Variants in PRKN observed in about 807,000 individuals in gnomAD.
PRKN encodes the protein parkin RBR E3 ubiquitin protein ligase.
In PRKN, 56 loss-of-function variants were observed where a neutral mutation model predicts 59.5. The observed-to-expected ratio is 0.94, with a 90% CI of 0.76 to 1.18. PRKN has a LOEUF of 1.18. PRKN is among the 50% of genes most tolerant of loss of function. PRKN has a pLI of 0.00. For missense variants in PRKN, 657 were observed against 596.4 expected (o/e 1.10, Z -1.06); for synonymous variants, 250 against 222.1 (o/e 1.13, Z -1.12).
chr6:162,471,223 G>A (rs1307711876), intron 1 of PRKN, among the ~76,000 whole-genome samples: 3 of 151,694 alleles, frequency 2.0e-5, no homozygotes, highest in Admixed American at 6.6e-5. Context: ...TCAGCCTCCT[G>A]AGTAGCTGGG....
intron 4 of PRKN, among the ~76,000 whole-genome samples, chr6:162,138,217 A>G (rs2128309995): frequency 6.6e-6 from 1 of 152,306 alleles, no homozygotes; most frequent in South Asian, 2.1e-4. Context: ...CAATTCTCAA[A>G]GCTCACACGG....
chr6:162,274,264 T>A (rs1780516625), intron 2 of PRKN, among the ~76,000 whole-genome samples: 1 of 152,028 alleles, frequency 6.6e-6, no homozygotes, highest in African/African-American at 2.4e-5. Context: ...CAGGGCTCAT[T>A]GCAGTCTCGG....
chr6:161,540,154 ACTT>A lies in PRKN; in HGVS notation c.1083+8697_1083+8699del, dbSNP rs1230484507. On this transcript the variant is annotated intron_variant, in intron 9 of 11. Transcript: ENST00000366898. ...GATTGTTCTCACTGTTTGCAGAAGC[ACTT>A]CTTCTGACATGGAAAACAAAAACAC... 2.0e-5 allele frequency among the ~76,000 whole-genome samples: 3 copies of A among 152,286 alleles called. No individual in the cohort carries two copies. The East Asian group carries it at 5.8e-4, about 29-fold the overall frequency.
intron 2 of PRKN, among the ~76,000 whole-genome samples, chr6:162,338,535 G>C (rs1344344251): frequency 2.0e-5 from 3 of 152,166 alleles, no homozygotes; most frequent in Non-Finnish European, 2.9e-5. Context: ...ATTGCAGACG[G>C]AGTCTCCTTC....
At chr6:161,902,528 A>ATCTATCTATCTG (rs1367021099) in intron 6 of PRKN, among the ~76,000 whole-genome samples, 5,174 of 84,178 alleles carry the variant, frequency 0.061, 230 homozygotes, top group East Asian at 0.27. Context: ...ACATCCGTCT[A>ATCTATCTATCTG]TCTATCTATC....
intron 1 of PRKN, among the ~76,000 whole-genome samples, chr6:162,530,849 G>A (rs1056255436): frequency 6.7e-6 from 1 of 149,520 alleles, no homozygotes; most frequent in Non-Finnish European, 1.5e-5. Flanking sequence ...CTGAGCTCAG[G>A]AATTTGAGAC....
At chr6:162,346,593 C>A (rs1024235280) in intron 2 of PRKN, among the ~76,000 whole-genome samples, 7 of 152,054 alleles carry the variant, frequency 4.6e-5, no homozygotes, top group African/African-American at 1.4e-4. Flanking sequence ...TGTACTCTAG[C>A]CTGGGTGACA....
intron 1 of PRKN, among the ~76,000 whole-genome samples, chr6:162,719,786 C>T (rs1778861922): frequency 6.6e-6 from 1 of 151,948 alleles, no homozygotes; most frequent in Non-Finnish European, 1.5e-5. Context: ...ACAACAGCTG[C>T]TCCTTTGAGC....
chr6:162,367,516 C>G (rs982278409), intron 2 of PRKN, among the ~76,000 whole-genome samples: 1 of 151,970 alleles, frequency 6.6e-6, no homozygotes, highest in Admixed American at 6.6e-5. Flanking sequence ...AAAATTAACC[C>G]ACCAATGAAA....
intron 1 of PRKN, among the ~76,000 whole-genome samples, chr6:162,659,571 G>T (rs745663811): frequency 7.2e-5 from 11 of 151,850 alleles, no homozygotes; most frequent in Non-Finnish European, 1.3e-4. Flanking sequence ...CCTTAAATAG[G>T]ATTTCAATTA....
intron 5 of PRKN, among the ~76,000 whole-genome samples, chr6:161,989,447 C>T (rs1461801999): frequency 6.6e-6 from 1 of 152,106 alleles, no homozygotes; most frequent in Non-Finnish European, 1.5e-5. Flanking sequence ...TTGCCACTGG[C>T]AACTGTGTAT....
chr6:162,723,769 C>G (rs926402927), intron 1 of PRKN, among the ~76,000 whole-genome samples: 1 of 152,194 alleles, frequency 6.6e-6, no homozygotes, highest in Non-Finnish European at 1.5e-5. Context: ...ACACTTCTGA[C>G]AACAGTTGTC....
intron 1 of PRKN, among the ~76,000 whole-genome samples, chr6:162,697,564 C>T (rs935277880): frequency 2.0e-5 from 3 of 152,140 alleles, no homozygotes; most frequent in African/African-American, 7.2e-5. Context: ...AAACCAGGTG[C>T]TGCCTTTTTT....
chr6:162,557,303 C>T (rs967620728), intron 1 of PRKN, among the ~76,000 whole-genome samples: 4 of 152,182 alleles, frequency 2.6e-5, no homozygotes, highest in African/African-American at 9.6e-5. Context: ...CGAACAAACA[C>T]GCTGGAGTCA....
At chr6:161,906,433 G>A (rs1269237591) in intron 6 of PRKN, among the ~76,000 whole-genome samples, 1 of 151,980 alleles carries the variant, frequency 6.6e-6, no homozygotes, top group Non-Finnish European at 1.5e-5. Flanking sequence ...TCTGTGCCTG[G>A]CACAGGACAT....
intron 5 of PRKN, among the ~76,000 whole-genome samples, chr6:162,050,402 A>T (rs1355068467): frequency 3.3e-5 from 5 of 151,690 alleles, no homozygotes; most frequent in Admixed American, 2.0e-4. Flanking sequence ...TTTCTGTTAC[A>T]TGAGGTTTTA....
At position 161,417,406 on chromosome 6, in the gene PRKN, C is replaced by T. The variant is rs1787900715; in HGVS notation, c.1084-30529G>A. On this transcript the variant is annotated intron_variant, in intron 9 of 11. Transcript: ENST00000366898. This position sits in a 1 kb window ranked among gnomAD's most constrained non-coding sequence, Gnocchi z 5.4. ...CGGAGGTTGCAGTGAGCAGAGATGG[C>T]GTCACTGCACTCCAGCCTGGCAACA... 6.7e-6 allele frequency among the ~76,000 whole-genome samples: 1 copy of T among 148,458 alleles called. No individual in the cohort carries two copies. Among genetic ancestry groups the T allele is most frequent in the South Asian group, 2.1e-4 (1 of 4,740 alleles).
intron 1 of PRKN, among the ~76,000 whole-genome samples, chr6:162,451,919 T>C (rs1202427268): frequency 1.3e-5 from 2 of 152,162 alleles, no homozygotes; most frequent in Non-Finnish European, 2.9e-5. Context: ...ATGAACGTGC[T>C]TGTGTCAAGG....
At chr6:161,921,765 A>T (rs1182398012) in intron 6 of PRKN, among the ~76,000 whole-genome samples, 4 of 152,184 alleles carry the variant, frequency 2.6e-5, no homozygotes, top group African/African-American at 9.6e-5. Context: ...TAGGATGGTG[A>T]AGTTCACTAA....
Sources: gnomAD v4.1 joint callset for allele counts (sites outside exome capture counted in the v4.1 genomes callset) on GRCh38, gnomAD v4.1.1 for gene constraint, Gnocchi (gnomAD v3.1) non-coding constraint, MANE v1.5 for transcripts, NCBI Gene and HGNC (gene_info 2026-07-23, HGNC 2026-07-21) for gene names.